SLC41A2: variants seen among roughly 807,000 people sequenced by gnomAD.
The protein encoded by SLC41A2 is solute carrier family 41 member 2, also known as SLC41A1-like 1.
SLC41A2 carries 32 observed loss-of-function variants against 58.3 expected under a neutral mutation model. That is an observed-to-expected ratio of 0.55 (90% CI 0.41 to 0.74). The LOEUF is 0.74. SLC41A2 is among the 30% of genes least tolerant of loss of function. The pLI is 0.00. For missense variants in SLC41A2, 514 were observed against 680.6 expected (o/e 0.76, Z 2.72); for synonymous variants, 190 against 235.0 (o/e 0.81, Z 1.75).
chr12:104,909,648 A>G lies in SLC41A2; in HGVS notation c.663+7T>C, dbSNP rs376065338. On this transcript the variant is annotated splice_region_variant and intron_variant, in intron 3 of 10. Transcript: ENST00000258538. Reference sequence around the variant, plus strand: ...ATACACATAATTTGAGGTAGGAAAAAACTTACTGCAGTGGATAATCTGGAT... The same window carrying G: ...ATACACATAATTTGAGGTAGGAAAAGACTTACTGCAGTGGATAATCTGGAT... The G allele has an allele frequency of 2.8e-5, 45 of 1,591,824 alleles. No homozygotes were observed. The highest frequency in any genetic ancestry group is 3.7e-5 in the Non-Finnish European group (43 of 1,165,536).
chr12:104,918,672 G>A (rs2046447174), intron 2 of SLC41A2, among the ~76,000 whole-genome samples: 1 of 147,422 alleles, frequency 6.8e-6, no homozygotes, highest in Non-Finnish European at 1.5e-5. Flanking sequence ...TTCTAAGGAA[G>A]GGCCCGGGCT....
intron 10 of SLC41A2, among the ~76,000 whole-genome samples, chr12:104,825,280 G>T (rs1349347210): frequency 4.6e-5 from 7 of 152,148 alleles, no homozygotes; most frequent in African/African-American, 1.7e-4. Context: ...ACCTGGGCAT[G>T]CCTGCAGCAG....
chr12:104,831,752 T>A (rs2042043962), intron 10 of SLC41A2, among the ~76,000 whole-genome samples: 1 of 152,184 alleles, frequency 6.6e-6, no homozygotes, highest in Admixed American at 6.5e-5. Flanking sequence ...TATATCTAAT[T>A]TAATGAATAC....
chr12:104,878,888 ACT>A (rs1320560712), intron 6 of SLC41A2, among the ~76,000 whole-genome samples: 1 of 152,172 alleles, frequency 6.6e-6, no homozygotes, highest in South Asian at 2.1e-4. Context: ...GAATCGCCAC[ACT>A]GTCTTCCACA....
chr12:104,937,052 A>G (rs2047312655), intron 1 of SLC41A2, among the ~76,000 whole-genome samples: 1 of 152,264 alleles, frequency 6.6e-6, no homozygotes, highest in Non-Finnish European at 1.5e-5. Flanking sequence ...TCAAGATTAC[A>G]GTAAGCTATG....
chr12:104,882,858 G>A (rs1423710169), intron 6 of SLC41A2, among the ~76,000 whole-genome samples: 1 of 152,182 alleles, frequency 6.6e-6, no homozygotes, highest in Non-Finnish European at 1.5e-5. Flanking sequence ...GAATTTGAAT[G>A]TTGGCCTGTC....
At chr12:104,935,878 A>AGTAAAAATACAAAAATTAGCTGG (rs1380498171) in intron 1 of SLC41A2, among the ~76,000 whole-genome samples, 1 of 152,184 alleles carries the variant, frequency 6.6e-6, no homozygotes, top group Non-Finnish European at 1.5e-5. Flanking sequence ...CCCTGTCTCT[A>AGTAAAAATACAAAAATTAGCTGG]GTAAAAATAC....
chr12:104,936,366 T>C (rs1188275590), intron 1 of SLC41A2, among the ~76,000 whole-genome samples: 1 of 152,202 alleles, frequency 6.6e-6, no homozygotes, highest in East Asian at 1.9e-4. Context: ...ACAGTGATAG[T>C]GATGATCTTG....
At chr12:104,953,016 TACTA>T (rs1402063425) in intron 1 of SLC41A2, among the ~76,000 whole-genome samples, 2 of 152,356 alleles carry the variant, frequency 1.3e-5, no homozygotes, top group African/African-American at 2.4e-5. Flanking sequence ...ATGGTACTTG[TACTA>T]ACTGTTTTTC....
intron 10 of SLC41A2, among the ~76,000 whole-genome samples, chr12:104,842,097 A>G (rs1197964569): frequency 2.6e-5 from 4 of 152,116 alleles, no homozygotes; most frequent in Admixed American, 6.5e-5. Flanking sequence ...AAAGAATATT[A>G]AAAGGTAAGT....
chr12:104,905,448 C>T (rs1258184913), intron 3 of SLC41A2, among the ~76,000 whole-genome samples: 7 of 152,266 alleles, frequency 4.6e-5, no homozygotes, highest in Non-Finnish European at 1.0e-4. Flanking sequence ...CAGCTGGCTT[C>T]ACCTAGTGGA....
At chr12:104,860,328 A>G (rs539546929) in intron 8 of SLC41A2, among the ~76,000 whole-genome samples, 5 of 151,416 alleles carry the variant, frequency 3.3e-5, no homozygotes, top group Non-Finnish European at 5.9e-5. Context: ...GCAGCAAACC[A>G]CCATGGCAAA....
intron 6 of SLC41A2, among the ~76,000 whole-genome samples, chr12:104,874,068 AGTTT>A (rs1340856485): frequency 4.3e-5 from 6 of 138,964 alleles, no homozygotes; most frequent in East Asian, 4.2e-4. Context: ...TTGTTGCCTG[AGTTT>A]GTTTTTTTTT....
intron 6 of SLC41A2, among the ~76,000 whole-genome samples, chr12:104,883,219 T>C (rs1477538341): frequency 6.6e-6 from 1 of 152,182 alleles, no homozygotes; most frequent in Non-Finnish European, 1.5e-5. Flanking sequence ...TAGCCATTCA[T>C]CTAGTCTTTT....
chr12:104,935,523 T>C (rs1025799251), intron 1 of SLC41A2, among the ~76,000 whole-genome samples: 5 of 152,180 alleles, frequency 3.3e-5, no homozygotes, highest in Non-Finnish European at 5.9e-5. Flanking sequence ...AAATTGTTCA[T>C]GTACTGTCAA....
chr12:104,836,200 T>C, intron 10 of SLC41A2, among the ~76,000 whole-genome samples: 1 of 152,204 alleles, frequency 6.6e-6, no homozygotes, highest in East Asian at 1.9e-4. Flanking sequence ...CCAGTCTCCA[T>C]CTTGCTGTGT....
At chr12:104,900,426 T>C (rs150721467) in intron 3 of SLC41A2, among the ~76,000 whole-genome samples, 11 of 152,202 alleles carry the variant, frequency 7.2e-5, no homozygotes, top group African/African-American at 2.7e-4. Flanking sequence ...ATGATATATA[T>C]GTTTGTTTTC....
At chr12:104,905,233 A>G (rs1277608315) in intron 3 of SLC41A2, among the ~76,000 whole-genome samples, 1 of 152,096 alleles carries the variant, frequency 6.6e-6, no homozygotes, top group Non-Finnish European at 1.5e-5. Flanking sequence ...ACAAACCTTG[A>G]GCTAGATACA....
intron 2 of SLC41A2, among the ~76,000 whole-genome samples, chr12:104,922,319 GA>G (rs1215519448): frequency 6.6e-6 from 1 of 152,066 alleles, no homozygotes; most frequent in African/African-American, 2.4e-5. Flanking sequence ...TGAAGCAGTA[GA>G]AAAATATATT....
Sources: allele counts gnomAD v4.1 joint callset (sites outside exome capture counted in the v4.1 genomes callset), GRCh38; gene constraint gnomAD v4.1.1; transcripts MANE v1.5; gene names NCBI Gene and HGNC (gene_info 2026-07-23, HGNC 2026-07-21).